Variants in TJP3 observed in about 807,000 individuals in gnomAD.
TJP3 encodes the protein tight junction protein 3.
A neutral mutation model predicts 104.2 loss-of-function variants in TJP3; 85 were observed. The ratio of observed to expected loss-of-function variants is 0.82; its 90% CI spans 0.68 to 0.98. The LOEUF (loss-of-function observed/expected upper bound fraction) is 0.98, where lower values mean the gene tolerates loss of function less well. Ranked by LOEUF, TJP3 falls within the 50% of genes least tolerant of loss-of-function variation. The probability of loss-of-function intolerance (pLI) is 0.00; values close to 1 mark genes in which losing one functional copy is unlikely to be tolerated. For missense variants in TJP3, 1,367 were observed against 1,322.8 expected (o/e 1.03, Z -0.52); for synonymous variants, 550 against 550.6 (o/e 1.00, Z 0.02).
intron 1 of TJP3, among the ~76,000 whole-genome samples, chr19:3,712,313 C>G (rs2036441321): frequency 6.6e-6 from 1 of 152,112 alleles, no homozygotes; most frequent in Non-Finnish European, 1.5e-5. Context: ...AAGACTCCAT[C>G]TCAAAAATGT....
In TJP3 at chr19:3,748,094, TG is replaced by T. The variant is rs773669980; in HGVS notation, c.2610+19del. On this transcript the variant is annotated intron_variant, in intron 19 of 20. Coordinates refer to ENST00000541714, the MANE Select transcript of TJP3 (RefSeq NM_001267560.2). ...TCAGGGGGCCCAGGTGCGTCGGACATGGGGGGCAGGCCTGGGAAGGGTCTCC... is the reference window on the plus strand; with the variant it reads ...TCAGGGGGCCCAGGTGCGTCGGACATGGGGGCAGGCCTGGGAAGGGTCTCC... 1.0e-5 allele frequency: 16 copies of T among 1,541,010 alleles called. No homozygotes were observed. The East Asian group carries it at 3.1e-4, about 30-fold the overall frequency.
In TJP3 at chr19:3,746,889, T is replaced by C. The variant is rs748888452; in HGVS notation, c.2322+13T>C. ...GGCGGAAGATCAGGTACTGCCGCGGTGTGGGTGGGTCGGGCAGGGAGGCCC... is the reference window on the plus strand; with the variant it reads ...GGCGGAAGATCAGGTACTGCCGCGGCGTGGGTGGGTCGGGCAGGGAGGCCC... On this transcript the variant is annotated intron_variant, in intron 18 of 20. Coordinates refer to ENST00000541714, the MANE Select transcript of TJP3 (RefSeq NM_001267560.2). This position sits in a 1 kb window ranked among gnomAD's most constrained non-coding sequence, Gnocchi z 4.1. 1.3e-6 allele frequency: 2 copies of C among 1,502,700 alleles called. No individual in the cohort carries two copies. The highest frequency in any genetic ancestry group is 1.2e-5 in the South Asian group (1 of 86,022). The allele number at this position is 1,502,700 out of a possible 1,614,324, so 93.1% of individuals were successfully genotyped here. A position where few individuals can be genotyped will look rare whatever the true frequency, so the allele number is the denominator to read the frequency against.
chr19:3,730,296 A>G lies in TJP3; in HGVS notation c.262-59A>G. On this transcript the variant is annotated intron_variant, in intron 4 of 20. Coordinates refer to ENST00000541714, the MANE Select transcript of TJP3 (RefSeq NM_001267560.2). The surrounding 1 kb of genome is among the most constrained non-coding windows in gnomAD (Gnocchi z 7.3). ...GTCCCCCAGGGCCACCCGGGGGCTGAGCAGAGCCTCCCCCAGCCCTTGCCT... is the reference window on the plus strand; with the variant it reads ...GTCCCCCAGGGCCACCCGGGGGCTGGGCAGAGCCTCCCCCAGCCCTTGCCT... 1 of 1,494,922 alleles carries G rather than the reference A, an allele frequency of 6.7e-7. No homozygotes were observed. Among genetic ancestry groups the G allele is most frequent in the South Asian group, 1.3e-5 (1 of 76,564 alleles). The allele number at this position is 1,494,922 out of a possible 1,614,324, so 92.6% of individuals were successfully genotyped here.
chr19:3,748,265 GCATT>G (rs1249326456), intron 19 of TJP3, among the ~76,000 whole-genome samples, 184 bp downstream of exon 19: 5 of 146,656 alleles, frequency 3.4e-5, no homozygotes, highest in African/African-American at 1.3e-4. Context: ...GTAACTTGCA[GCATT>G]TTTTTTTTTT....
chr19:3,750,157 A>G lies in TJP3; in HGVS notation c.2630A>G (p.Gln877Arg). The stretch of plus-strand genomic sequence containing the variant: ...TCCAAGGTGGACAGCCGCCACCCCC[A>G]GGGACAGTGGCGACAGGACAGCATG... ...QGAQVDSRHP[Q>R]GQWRQDSMRT... The change falls in exon 20 of 21, where the codon CAG (glutamine) becomes CGG (arginine). Residue 877 changes from glutamine to arginine, a missense_variant. Transcript: ENST00000541714. 2 of 1,614,046 alleles carry G rather than the reference A, an allele frequency of 1.2e-6. No homozygotes were observed. Among genetic ancestry groups the G allele is most frequent in the Non-Finnish European group, 1.7e-6 (2 of 1,179,988 alleles).
chr19:3,750,623 TA>T lies in TJP3; in HGVS notation c.2700del (p.His901MetfsTer?). 6.2e-7 allele frequency: 1 copy of T among 1,609,472 alleles called. No homozygotes were observed. The highest frequency in any genetic ancestry group is 8.5e-7 in the Non-Finnish European group (1 of 1,178,114). On this transcript the variant is annotated frameshift_variant, in exon 21 of 21. Coordinates refer to ENST00000541714, the MANE Select transcript of TJP3 (RefSeq NM_001267560.2). LOFTEE classifies it high-confidence loss of function. Reference sequence around the variant, plus strand: ...GCCCTGAAGAAAAAGTTTATGCGAGTACATGATGCGGAGTCCTCCGATGAAG... The same window carrying T: ...GCCCTGAAGAAAAAGTTTATGCGAGTCATGATGCGGAGTCCTCCGATGAAG... ...REALKKKFMR[V>X]HDAESSDEDG...
chr19:3,724,174 G>A (rs1006726827), intron 1 of TJP3, among the ~76,000 whole-genome samples: 1 of 151,974 alleles, frequency 6.6e-6, no homozygotes, highest in Non-Finnish European at 1.5e-5. Flanking sequence ...CTCTGGGTTC[G>A]GGGGCCCTGG....
At position 3,742,558 on chromosome 19, in the gene TJP3, G is replaced by A. The variant is rs528907265; in HGVS notation, c.1844-1381G>A. On this transcript the variant is annotated intron_variant, in intron 14 of 20. Coordinates refer to ENST00000541714, the MANE Select transcript of TJP3 (RefSeq NM_001267560.2). ...ACAAAAGGGGTGGGAAGAGCAAATT[G>A]CCCGGGACAGGGGTGGGTGGATGGA... is the stretch of plus-strand genomic sequence containing the variant. 1.4e-3 allele frequency among the ~76,000 whole-genome samples: 209 copies of A among 147,366 alleles called. 3 individuals are homozygous for A. Among genetic ancestry groups the A allele is most frequent in the Non-Finnish European group, 1.8e-3 (120 of 67,178 alleles).
In TJP3 at chr19:3,730,804, C is replaced by G. The variant is rs1001089509; in HGVS notation, c.613+98C>G. The stretch of plus-strand genomic sequence containing the variant: ...CAAGTGATTCTCCTGCCTCAGCCTC[C>G]CTGGTGGCTGGGACTCCAGGCGCCC... On this transcript the variant is annotated intron_variant, in intron 5 of 20. Coordinates refer to ENST00000541714, the MANE Select transcript of TJP3 (RefSeq NM_001267560.2). This position sits in a 1 kb window ranked among gnomAD's most constrained non-coding sequence, Gnocchi z 7.3. 2 of 1,347,208 alleles carry G rather than the reference C, an allele frequency of 1.5e-6. No homozygotes were observed. Among genetic ancestry groups the G allele is most frequent in the Admixed American group, 5.0e-5 (2 of 40,046 alleles). The allele number at this position is 1,347,208 out of a possible 1,614,324, so 83.5% of individuals were successfully genotyped here. A position where few individuals can be genotyped will look rare whatever the true frequency, so the allele number is the denominator to read the frequency against.
chr19:3,718,819 ACGTGTG>A (rs1334404545), intron 1 of TJP3, among the ~76,000 whole-genome samples: 1 of 152,042 alleles, frequency 6.6e-6, no homozygotes, highest in East Asian at 1.9e-4. Context: ...ACGAACCTTG[ACGTGTG>A]CGGGCCGGTA....
chr19:3,740,529 G>A (rs1354807762), intron 13 of TJP3, 23 bp from the exon 14 acceptor site: 2 of 1,424,016 alleles, frequency 1.4e-6, no homozygotes, highest in Admixed American at 6.0e-5. Flanking sequence ...CCAGTGCTCA[G>A]TACTGTCCCC....
intron 1 of TJP3, among the ~76,000 whole-genome samples, chr19:3,723,808 A>AAAATAT (rs368301716): frequency 6.2e-5 from 8 of 128,940 alleles, no homozygotes; most frequent in South Asian, 2.5e-4. Context: ...AAAAAAAAAA[A>AAAATAT]ATATATATAT....
At chr19:3,720,993 C>T (rs1451327152) in intron 1 of TJP3, among the ~76,000 whole-genome samples, 6 of 149,354 alleles carry the variant, frequency 4.0e-5, no homozygotes, top group African/African-American at 1.5e-4. Context: ...CCGCAACCTC[C>T]GCCTCCCGGG....
At position 3,731,932 on chromosome 19, in the gene TJP3, C is replaced by T. The variant is rs779814317; in HGVS notation, c.614-3C>T. ...CCTCAGTTTCCCTCCTCCCCCCTTACAGAGTTTGGCGTCAAGCTGGGCAGT... is the reference window on the plus strand; with the variant it reads ...CCTCAGTTTCCCTCCTCCCCCCTTATAGAGTTTGGCGTCAAGCTGGGCAGT... On this transcript the variant is annotated splice_polypyrimidine_tract_variant and splice_region_variant and intron_variant, in intron 5 of 20. Coordinates refer to ENST00000541714, the MANE Select transcript of TJP3 (RefSeq NM_001267560.2). 1 of 1,612,160 alleles carries T rather than the reference C, an allele frequency of 6.2e-7. No homozygotes were observed. The highest frequency in any genetic ancestry group is 1.7e-5 in the Admixed American group (1 of 59,886).
rs10408494 is a variant in TJP3 at position 3,747,912 on chromosome 19, G to C, written c.2441G>C (p.Gly814Ala). 6.2e-7 allele frequency: 1 copy of C among 1,613,236 alleles called. No individual in the cohort carries two copies. Among genetic ancestry groups the C allele is most frequent in the Non-Finnish European group, 8.5e-7 (1 of 1,179,928 alleles). Reference sequence around the variant, plus strand: ...GACTACGAGACGGACGGCGAGGGCGGCGCGTACACGGATGGCGAGGGCTAC... The same window carrying C: ...GACTACGAGACGGACGGCGAGGGCGCCGCGTACACGGATGGCGAGGGCTAC... ...NSDYETDGEG[G>A]AYTDGEGYTD... The change falls in exon 19 of 21, where the codon GGC (glycine) becomes GCC (alanine). Residue 814 changes from glycine (G) to alanine (A), a missense_variant. By Grantham distance (60) the Gly-to-Ala change is moderately conservative. Coordinates refer to ENST00000541714, the MANE Select transcript of TJP3 (RefSeq NM_001267560.2).
At chr19:3,745,417 T>A (rs1403644329) in intron 15 of TJP3, among the ~76,000 whole-genome samples, 1 of 152,174 alleles carries the variant, frequency 6.6e-6, no homozygotes, top group Non-Finnish European at 1.5e-5. Flanking sequence ...GTGCTGGGAC[T>A]ACAGGCATGA....
chr19:3,736,391 G>A, intron 11 of TJP3, 70 bp downstream of exon 11: 2 of 1,395,756 alleles, frequency 1.4e-6, no homozygotes, highest in South Asian at 1.7e-5. Context: ...GCCCTTGTCT[G>A]TTCCAGTCCT....
rs1042702052 is a variant in TJP3, at chr19:3,739,750, C to A, written c.1631+616C>A. On this transcript the variant is annotated intron_variant, in intron 13 of 20. Coordinates refer to ENST00000541714, the MANE Select transcript of TJP3 (RefSeq NM_001267560.2). ...CTCCAGGAGAAAACCAATTTTCCACCTTTCCCAGAGTCTAGAGGGGCCGCA... is the reference window on the plus strand; with the variant it reads ...CTCCAGGAGAAAACCAATTTTCCACATTTCCCAGAGTCTAGAGGGGCCGCA... Among the ~76,000 whole-genome samples the A allele has an allele frequency of 7.9e-5, 12 of 152,282 alleles. No homozygotes were observed. In the East Asian group the frequency reaches 1.9e-3, roughly 24 times the overall value.
chr19:3,745,035 C>G (rs7254226), intron 15 of TJP3, among the ~76,000 whole-genome samples: 48,208 of 150,486 alleles, frequency 0.32, 7,942 homozygotes, highest in East Asian at 0.42. Flanking sequence ...ATGACTTGAG[C>G]CTAGGAGTTT....
Sources: allele counts gnomAD v4.1 joint callset (sites outside exome capture counted in the v4.1 genomes callset), GRCh38; gene constraint gnomAD v4.1.1; non-coding constraint Gnocchi (gnomAD v3.1); transcripts MANE v1.5; gene names NCBI Gene and HGNC (gene_info 2026-07-23, HGNC 2026-07-21).